Variants in ACACA observed in about 807,000 individuals in gnomAD.
The protein encoded by ACACA is acetyl-CoA carboxylase alpha.
In ACACA, 103 loss-of-function variants were observed where a neutral mutation model predicts 296.1. That is an observed-to-expected ratio of 0.35 (90% CI 0.30 to 0.41). The LOEUF (loss-of-function observed/expected upper bound fraction) is 0.41. Among genes scored for constraint, ACACA ranks in the 10% least tolerant of loss-of-function variants. The probability of loss-of-function intolerance (pLI) is 1.00; values close to 1 mark genes in which losing one functional copy is unlikely to be tolerated. For missense variants in ACACA, 1,554 were observed against 2,989.7 expected, an observed-to-expected ratio of 0.52 and a Z score of 11.20; for synonymous variants, 953 against 1,038.6, an observed-to-expected ratio of 0.92 and a Z score of 1.58.
chr17:37,218,292 G>C (rs1222724803), intron 29 of ACACA, among the ~76,000 whole-genome samples: 1 of 152,016 alleles, frequency 6.6e-6, no homozygotes, highest in Non-Finnish European at 1.5e-5. Flanking sequence ...GAGATATGCT[G>C]TAAGTATAGA....
At chr17:37,146,895 G>T (rs1184608615) in intron 45 of ACACA, among the ~76,000 whole-genome samples, 3 of 143,718 alleles carry the variant, frequency 2.1e-5, no homozygotes, top group Non-Finnish European at 1.5e-5. Context: ...TTGGGCATCA[G>T]GCGATCATGC....
chr17:37,269,215 G>A (rs2081960137), intron 10 of ACACA, among the ~76,000 whole-genome samples: 1 of 152,078 alleles, frequency 6.6e-6, no homozygotes, highest in Non-Finnish European at 1.5e-5. Context: ...TTCAGGCAAT[G>A]CTCCCGCTTT....
chr17:37,164,232 G>A (rs574563042), intron 41 of ACACA, among the ~76,000 whole-genome samples: 1 of 152,002 alleles, frequency 6.6e-6, no homozygotes, highest in African/African-American at 2.4e-5. Context: ...TGGCCATCAA[G>A]AAGGGCCATT....
chr17:37,358,923 G>A (rs2049273303), intron 1 of ACACA: 6 of 985,070 alleles, frequency 6.1e-6, no homozygotes, highest in Non-Finnish European at 7.2e-6. Flanking sequence ...GCGGCCCCCT[G>A]CCTGCCGCCG....
At chr17:37,381,824 T>A (rs1246912110) in intron 1 of ACACA, among the ~76,000 whole-genome samples, 1 of 151,740 alleles carries the variant, frequency 6.6e-6, no homozygotes. Flanking sequence ...AGATGGGGTT[T>A]CACCGTGTTG....
intron 2 of ACACA, 146 bp from the exon 3 acceptor site, chr17:37,330,571 G>T (rs2047829280): frequency 1.0e-6 from 1 of 1,003,558 alleles, no homozygotes; most frequent in Non-Finnish European, 1.5e-6. Flanking sequence ...TTCTATTTCA[G>T]GGCCTTTAAT....
rs572601170 is a variant in ACACA, at chr17:37,259,977, G to T, written c.1330-447C>A. ...GCTCACTGCAAACTCTGCCTCCCGG[G>T]TTCAAGTGATTCTCCTGCCTCAGCC... On this transcript the variant is annotated intron_variant, in intron 11 of 55. Transcript: ENST00000616317. 3.5e-4 allele frequency among the ~76,000 whole-genome samples: 52 copies of T among 150,720 alleles called. No individual in the cohort carries two copies. In the East Asian group the frequency reaches 0.01, roughly 30 times the overall value.
At chr17:37,282,377 C>T (rs548470470) in intron 5 of ACACA, among the ~76,000 whole-genome samples, 23 of 152,270 alleles carry the variant, frequency 1.5e-4, no homozygotes, top group Admixed American at 4.6e-4. Context: ...GAATTGTGAG[C>T]CAATTAAACC....
intron 41 of ACACA, among the ~76,000 whole-genome samples, chr17:37,173,145 C>T (rs1456914816): frequency 1.3e-5 from 2 of 152,114 alleles, no homozygotes; most frequent in African/African-American, 2.4e-5. Flanking sequence ...ATATTTGGGT[C>T]CTGTGTTCAT....
At chr17:37,131,077 G>A (rs190594591) in intron 45 of ACACA, among the ~76,000 whole-genome samples, 115 of 152,024 alleles carry the variant, frequency 7.6e-4, no homozygotes, top group African/African-American at 2.7e-3. Context: ...TCTTCTTTGT[G>A]TGCTGGGTGC....
At chr17:37,316,506 A>T (rs1764129174) in intron 3 of ACACA, among the ~76,000 whole-genome samples, 2 of 152,178 alleles carry the variant, frequency 1.3e-5, no homozygotes, top group African/African-American at 4.8e-5. Context: ...TTGGCTAGAC[A>T]CTAACATATC....
intron 39 of ACACA, among the ~76,000 whole-genome samples, chr17:37,185,316 TC>T (rs1318474577): frequency 1.3e-5 from 2 of 149,506 alleles, no homozygotes; most frequent in African/African-American, 4.9e-5. Flanking sequence ...CATTGCAGCC[TC>T]AAACTCCGGG....
intron 41 of ACACA, among the ~76,000 whole-genome samples, chr17:37,163,619 C>T (rs1038853322): frequency 1.1e-4 from 16 of 152,298 alleles, no homozygotes; most frequent in Middle Eastern, 6.8e-3. Context: ...ATAGGAATAA[C>T]AGAAACACTC....
chr17:37,210,610 C>T, intron 29 of ACACA, 120 bp from the exon 30 acceptor site: 3 of 908,916 alleles, frequency 3.3e-6, no homozygotes, highest in Admixed American at 1.8e-5. Context: ...TGGCATTCAG[C>T]AGACATAATT....
chr17:37,257,194 C>T lies in ACACA; in HGVS notation c.1826+509G>A, dbSNP rs979487991. Among the ~76,000 whole-genome samples the T allele has an allele frequency of 4.6e-5, 7 of 152,148 alleles. No individual in the cohort carries two copies. The East Asian group carries it at 1.4e-3, about 29-fold the overall frequency. On this transcript the variant is annotated intron_variant, in intron 14 of 55. Transcript: ENST00000616317. ...AGCAATGTAGACAGTTTCTTTATGT[C>T]CTTTTCATAATATGAGCAGTATAAT...
At chr17:37,188,068 G>A (rs926589016) in intron 39 of ACACA, among the ~76,000 whole-genome samples, 1 of 152,172 alleles carries the variant, frequency 6.6e-6, no homozygotes, top group African/African-American at 2.4e-5. Context: ...AAATGGTTAA[G>A]GGTTTTATAA....
chr17:37,361,346 CT>C (rs767517137), intron 1 of ACACA, among the ~76,000 whole-genome samples: 6 of 152,054 alleles, frequency 3.9e-5, no homozygotes, highest in Non-Finnish European at 8.8e-5. Context: ...CCCCAGGATT[CT>C]TAATGGTGTT....
chr17:37,358,999 C>T (rs1650592545), intron 1 of ACACA: 6 of 985,516 alleles, frequency 6.1e-6, no homozygotes, highest in Admixed American at 6.1e-5. Flanking sequence ...CTCACCTCAC[C>T]TCAGGGTGGC....
intron 41 of ACACA, among the ~76,000 whole-genome samples, chr17:37,166,189 A>G (rs1335870191): frequency 6.6e-6 from 1 of 151,968 alleles, no homozygotes; most frequent in Non-Finnish European, 1.5e-5. Context: ...GCTGGAGTGC[A>G]GTGGCACAAA....
Sources: allele counts gnomAD v4.1 joint callset (sites outside exome capture counted in the v4.1 genomes callset), GRCh38; gene constraint gnomAD v4.1.1; transcripts MANE v1.5; gene names NCBI Gene and HGNC (gene_info 2026-07-23, HGNC 2026-07-21).